Variants in RGS7 observed in about 807,000 individuals in gnomAD.
RGS7 encodes the protein regulator of G protein signaling 7.
A neutral mutation model predicts 81.1 loss-of-function variants in RGS7; 27 were observed. That is an observed-to-expected ratio of 0.33 (90% confidence interval 0.25 to 0.46). The LOEUF (loss-of-function observed/expected upper bound fraction) is 0.46. Among genes scored for constraint, RGS7 ranks in the 20% least tolerant of loss-of-function variants. The pLI is 1.00. For synonymous variants in RGS7, 208 were observed against 207.7 expected (o/e 1.00, Z -0.01); for missense variants, 396 against 607.4 (o/e 0.65, Z 3.66).
chr1:240,807,241 G>A lies in RGS7; in HGVS notation c.1083-915C>T, dbSNP rs571201024. ...TTTTGCTCTAGGCTAGAGCTTGCTG[G>A]TTAGATCTCTAGAAATAATGTTTAA... is the stretch of plus-strand genomic sequence containing the variant. On this transcript the variant is annotated intron_variant, in intron 14 of 18. Coordinates refer to ENST00000440928, the MANE Select transcript of RGS7 (RefSeq NM_001364886.1). 2.6e-5 allele frequency among the ~76,000 whole-genome samples: 4 copies of A among 152,250 alleles called. No individual in the cohort carries two copies. In the East Asian group the frequency reaches 7.7e-4, roughly 29 times the overall value.
At chr1:240,791,186 T>C (rs2103010420) in intron 18 of RGS7, among the ~76,000 whole-genome samples, 1 of 152,348 alleles carries the variant, frequency 6.6e-6, no homozygotes, top group Non-Finnish European at 1.5e-5. Flanking sequence ...CCACAGCCTA[T>C]TTTAGTAATG....
At chr1:240,787,319 A>G (rs902071032) in intron 18 of RGS7, among the ~76,000 whole-genome samples, 4 of 152,194 alleles carry the variant, frequency 2.6e-5, no homozygotes, top group Non-Finnish European at 5.9e-5. Flanking sequence ...AGCTCCCTGT[A>G]GACCCTGTAT....
At chr1:241,178,167 C>T (rs776294293) in intron 2 of RGS7, among the ~76,000 whole-genome samples, 21 of 152,014 alleles carry the variant, frequency 1.4e-4, no homozygotes, top group Admixed American at 1.4e-3. Flanking sequence ...TGACAGGCAT[C>T]TGTAGTCCCA....
chr1:241,208,567 C>T (rs541909537), intron 2 of RGS7, among the ~76,000 whole-genome samples: 6 of 152,132 alleles, frequency 3.9e-5, no homozygotes, highest in African/African-American at 9.6e-5. Context: ...CAGTCAGCCC[C>T]GCCCCCATGT....
chr1:241,308,000 A>G, intron 2 of RGS7, among the ~76,000 whole-genome samples: 1 of 152,218 alleles, frequency 6.6e-6, no homozygotes, highest in East Asian at 1.9e-4. Flanking sequence ...CTTCATTCTT[A>G]TGATTTTATA....
At chr1:240,879,498 G>A (rs1478897038) in intron 6 of RGS7, among the ~76,000 whole-genome samples, 1 of 152,052 alleles carries the variant, frequency 6.6e-6, no homozygotes, top group Non-Finnish European at 1.5e-5. Context: ...ATTTTTGAAA[G>A]CTGTTTGTAT....
At chr1:241,349,489 G>T (rs574070988) in intron 2 of RGS7, among the ~76,000 whole-genome samples, 7 of 152,336 alleles carry the variant, frequency 4.6e-5, no homozygotes, top group African/African-American at 1.7e-4. Context: ...GGCAATTTCA[G>T]TGGAGCTGGA....
At chr1:240,922,448 G>A (rs1363283665) in intron 6 of RGS7, among the ~76,000 whole-genome samples, 1 of 151,866 alleles carries the variant, frequency 6.6e-6, no homozygotes, top group Non-Finnish European at 1.5e-5. Context: ...TACAGACTGG[G>A]GGAAAATCTT....
chr1:240,940,037 G>A (rs113502478), intron 4 of RGS7, among the ~76,000 whole-genome samples: 3,628 of 152,128 alleles, frequency 0.024, 144 homozygotes, highest in African/African-American at 0.079. Context: ...CAGAGATCAC[G>A]CCACTGCACT....
chr1:241,301,690 C>A (rs2079769948), intron 2 of RGS7, among the ~76,000 whole-genome samples: 1 of 152,210 alleles, frequency 6.6e-6, no homozygotes, highest in Admixed American at 6.5e-5. Context: ...ACTGATCTAA[C>A]TATAATTCTT....
chr1:241,138,939 G>A (rs1572857335), intron 2 of RGS7, among the ~76,000 whole-genome samples: 2 of 151,838 alleles, frequency 1.3e-5, no homozygotes, highest in East Asian at 3.9e-4. Context: ...AAAACAATCA[G>A]TAACACTCAA....
intron 2 of RGS7, among the ~76,000 whole-genome samples, chr1:241,283,090 A>G (rs61832566): frequency 0.12 from 18,750 of 152,214 alleles, 1,294 homozygotes; most frequent in Middle Eastern, 0.17. Flanking sequence ...TCCTTTTTAT[A>G]AAAAGCTGTC....
chr1:240,898,423 G>A (rs1572660009), intron 6 of RGS7, among the ~76,000 whole-genome samples: 1 of 151,994 alleles, frequency 6.6e-6, no homozygotes, highest in African/African-American at 2.4e-5. Flanking sequence ...GTCATTTAGT[G>A]GTATAAATTT....
intron 2 of RGS7, among the ~76,000 whole-genome samples, chr1:241,171,005 G>A (rs1039246246): frequency 2.6e-5 from 4 of 152,058 alleles, no homozygotes; most frequent in African/African-American, 9.7e-5. Context: ...TTCAGTGTAG[G>A]AGCTATCAGT....
chr1:241,161,487 ATAAT>A (rs2069657637), intron 2 of RGS7, among the ~76,000 whole-genome samples: 1 of 146,890 alleles, frequency 6.8e-6, no homozygotes, highest in African/African-American at 2.5e-5. Flanking sequence ...TAACTAATAT[ATAAT>A]AATTATATTA....
At chr1:241,094,902 A>G (rs1272234154) in intron 3 of RGS7, among the ~76,000 whole-genome samples, 2 of 152,170 alleles carry the variant, frequency 1.3e-5, no homozygotes, top group Admixed American at 6.5e-5. Flanking sequence ...GGAGTTGGGT[A>G]GTGTTCATTC....
intron 4 of RGS7, among the ~76,000 whole-genome samples, chr1:240,961,243 T>C (rs1157600531): frequency 6.6e-6 from 1 of 152,210 alleles, no homozygotes; most frequent in African/African-American, 2.4e-5. Context: ...CTAAAGATTA[T>C]GCAATGGTAG....
intron 3 of RGS7, among the ~76,000 whole-genome samples, chr1:241,083,589 C>T (rs2063272281): frequency 1.3e-5 from 2 of 152,146 alleles, no homozygotes; most frequent in African/African-American, 4.8e-5. Flanking sequence ...AAAGGACTAG[C>T]TTTTTGCAAA....
At chr1:240,920,061 A>G (rs191874718) in intron 6 of RGS7, 6 of 1,004,134 alleles carry the variant, frequency 6.0e-6, no homozygotes, top group Non-Finnish European at 9.4e-6. Flanking sequence ...TGAAATCATG[A>G]CTGATTGAGG....
Sources: gnomAD v4.1 joint callset for allele counts (sites outside exome capture counted in the v4.1 genomes callset) on GRCh38, gnomAD v4.1.1 for gene constraint, MANE v1.5 for transcripts, NCBI Gene and HGNC (gene_info 2026-07-23, HGNC 2026-07-21) for gene names.